SRBD1: variants seen among roughly 807,000 people sequenced by gnomAD.
The protein encoded by SRBD1 is S1 RNA-binding domain-containing protein 1.
In SRBD1, 88 loss-of-function variants were observed where a neutral mutation model predicts 115.3. That is an observed-to-expected ratio of 0.76 (90% confidence interval 0.64 to 0.91). The LOEUF is 0.91. SRBD1 is among the 40% of genes least tolerant of loss of function. The probability of loss-of-function intolerance (pLI) is 0.00; values close to 1 mark genes in which losing one functional copy is unlikely to be tolerated. For synonymous variants in SRBD1, 509 were observed against 407.7 expected (o/e 1.25, Z -2.99); for missense variants, 1,385 against 1,177.4 (o/e 1.18, Z -2.58).
intron 14 of SRBD1, among the ~76,000 whole-genome samples, chr2:45,511,559 T>C (rs555315032): frequency 6.6e-6 from 1 of 152,326 alleles, no homozygotes; most frequent in South Asian, 2.1e-4. Flanking sequence ...AGGCAGGTAC[T>C]TAAGTTGCCT....
At chr2:45,540,980 T>A (rs528976053) in intron 14 of SRBD1, among the ~76,000 whole-genome samples, 1 of 152,216 alleles carries the variant, frequency 6.6e-6, no homozygotes, top group Non-Finnish European at 1.5e-5. Flanking sequence ...GGTGCCTTTG[T>A]CCGAGTTTTG....
intron 16 of SRBD1, among the ~76,000 whole-genome samples, chr2:45,448,329 T>C (rs1324390230): frequency 6.6e-6 from 1 of 152,152 alleles, no homozygotes; most frequent in Admixed American, 6.6e-5. Context: ...ATATATTTTA[T>C]TATAAACTGG....
intron 19 of SRBD1, among the ~76,000 whole-genome samples, chr2:45,408,529 G>A (rs1017162644): frequency 5.3e-5 from 8 of 152,124 alleles, no homozygotes; most frequent in African/African-American, 1.7e-4. Context: ...CACTAGCAGG[G>A]CATTTATATT....
intron 19 of SRBD1, among the ~76,000 whole-genome samples, chr2:45,407,095 G>A (rs1240530063): frequency 6.6e-6 from 1 of 152,142 alleles, no homozygotes; most frequent in East Asian, 1.9e-4. Flanking sequence ...TACTAGCTAA[G>A]TCAGCTTAGG....
At chr2:45,559,635 A>C (rs1341196096) in intron 10 of SRBD1, among the ~76,000 whole-genome samples, 2 of 152,222 alleles carry the variant, frequency 1.3e-5, no homozygotes, top group African/African-American at 4.8e-5. Flanking sequence ...ATAGGGAAAA[A>C]GAGAGTAAAA....
At chr2:45,497,478 T>C (rs1670494590) in intron 14 of SRBD1, among the ~76,000 whole-genome samples, 1 of 152,154 alleles carries the variant, frequency 6.6e-6, no homozygotes. Flanking sequence ...GGAGCCTACA[T>C]CAGAATTAGC....
chr2:45,513,624 T>C (rs756874578), intron 14 of SRBD1, among the ~76,000 whole-genome samples: 3 of 152,248 alleles, frequency 2.0e-5, no homozygotes, highest in Non-Finnish European at 2.9e-5. Context: ...GGCTTGATCA[T>C]TGAGCCCTCA....
intron 15 of SRBD1, among the ~76,000 whole-genome samples, chr2:45,486,320 G>A (rs1427801447): frequency 6.6e-6 from 1 of 152,068 alleles, no homozygotes; most frequent in Non-Finnish European, 1.5e-5. Context: ...AGAAATTCTG[G>A]ATTTTATTTT....
intron 9 of SRBD1, among the ~76,000 whole-genome samples, chr2:45,566,129 T>A (rs183266124): frequency 6.2e-4 from 95 of 152,314 alleles, no homozygotes; most frequent in African/African-American, 2.2e-3. Flanking sequence ...AAAAATGGCA[T>A]AGCCACTCTG....
intron 16 of SRBD1, among the ~76,000 whole-genome samples, chr2:45,469,348 G>A (rs1403926164): frequency 2.0e-5 from 3 of 152,114 alleles, no homozygotes; most frequent in African/African-American, 7.2e-5. Flanking sequence ...GTGCTAACAC[G>A]AAAACTAGAA....
In SRBD1 at chr2:45,389,622, G is replaced by GTAA. The variant is rs760266547; in HGVS notation, c.2699-26_2699-24dup. 25 of 1,604,342 alleles carry GTAA rather than the reference G, an allele frequency of 1.6e-5. 1 individual carries two copies. Among genetic ancestry groups the GTAA allele is most frequent in the Non-Finnish European group, 2.0e-5 (24 of 1,175,152 alleles). On this transcript the variant is annotated intron_variant, in intron 20 of 20. Transcript: ENST00000263736. ...AATCTGTAAGAGAAAAAAAGTAAGT[G>GTAA]TAAATAAGGCATTGTACTTCCTAGA... is the stretch of plus-strand genomic sequence containing the variant.
chr2:45,439,356 A>T (rs1257796575), intron 16 of SRBD1, among the ~76,000 whole-genome samples: 1 of 133,754 alleles, frequency 7.5e-6, no homozygotes, highest in African/African-American at 3.5e-5. Context: ...ATGGTATTCT[A>T]GGACATATAT....
At chr2:45,591,013 C>CAAA (rs777304180) in intron 4 of SRBD1, among the ~76,000 whole-genome samples, 2 of 130,408 alleles carry the variant, frequency 1.5e-5, no homozygotes, top group Non-Finnish European at 3.3e-5. Flanking sequence ...GTGAAACTCT[C>CAAA]AAAAAAAAAA....
chr2:45,454,699 G>C (rs1279182041), intron 16 of SRBD1, among the ~76,000 whole-genome samples: 1 of 151,828 alleles, frequency 6.6e-6, no homozygotes, highest in Non-Finnish European at 1.5e-5. Flanking sequence ...GTTCCTCAGA[G>C]TTCTTACAAT....
At chr2:45,588,441 A>G (rs2104210029) in intron 4 of SRBD1, among the ~76,000 whole-genome samples, 1 of 152,166 alleles carries the variant, frequency 6.6e-6, no homozygotes, top group South Asian at 2.1e-4. Context: ...CCCTCACAAA[A>G]TCAACTCATT....
chr2:45,484,515 T>C (rs1670056842), intron 15 of SRBD1, among the ~76,000 whole-genome samples: 1 of 152,206 alleles, frequency 6.6e-6, no homozygotes, highest in South Asian at 2.1e-4. Context: ...CCCAGTCTTC[T>C]GCAAAGGTAG....
At chr2:45,440,843 G>C (rs78278643) in intron 16 of SRBD1, among the ~76,000 whole-genome samples, 3,887 of 152,244 alleles carry the variant, frequency 0.026, 78 homozygotes, top group Non-Finnish European at 0.038. Context: ...AGGGAAGGCA[G>C]GGAGGCATCC....
intron 19 of SRBD1, among the ~76,000 whole-genome samples, chr2:45,398,454 C>T (rs1237293276): frequency 6.6e-6 from 1 of 152,086 alleles, no homozygotes; most frequent in African/African-American, 2.4e-5. Context: ...TTATAAGCAT[C>T]AGACTGTTAC....
In SRBD1 at chr2:45,389,484, T is replaced by G; in HGVS notation, c.2814A>C (p.Ile938=). The G allele has an allele frequency of 6.2e-7, 1 of 1,614,102 alleles. No homozygotes were observed. The highest frequency in any genetic ancestry group is 1.1e-5 in the South Asian group (1 of 91,078). The stretch of plus-strand genomic sequence containing the variant: ...GAATCAGCCCAGATTTCCCCACTCC[T>G]ATATCCACAAAAATTCCAAAGAGAG... ...NATLFGIFVD[I]GVGKSGLIPI... Residue 938 remains isoleucine, a synonymous_variant, in exon 21 of 21, where the codon ATA becomes ATC. Coordinates refer to ENST00000263736, the MANE Select transcript of SRBD1 (RefSeq NM_018079.5).
Sources: allele counts gnomAD v4.1 joint callset (sites outside exome capture counted in the v4.1 genomes callset), GRCh38; gene constraint gnomAD v4.1.1; transcripts MANE v1.5; gene names NCBI Gene and HGNC (gene_info 2026-07-23, HGNC 2026-07-21).